The following MARCHF1 variants were observed in gnomAD, a reference collection of about 807,000 sequenced individuals.
MARCHF1 encodes membrane associated ring-CH-type finger 1.
MARCHF1 carries 40 observed loss-of-function variants against 54.2 expected under a neutral mutation model. The observed-to-expected ratio is 0.74, with a 90% CI of 0.57 to 0.96. The LOEUF (loss-of-function observed/expected upper bound fraction) is 0.96, where lower values mean the gene tolerates loss of function less well. MARCHF1 is among the 40% of genes least tolerant of loss of function. MARCHF1 has a pLI of 0.00. For missense variants in MARCHF1, 586 were observed against 656.5 expected, an observed-to-expected ratio of 0.89 and a Z score of 1.17; for synonymous variants, 236 against 236.3, an observed-to-expected ratio of 1.00 and a Z score of 0.01.
chr4:164,304,691 A>G (rs1734653496), intron 1 of MARCHF1, among the ~76,000 whole-genome samples: 1 of 152,170 alleles, frequency 6.6e-6, no homozygotes, highest in Non-Finnish European at 1.5e-5. Flanking sequence ...AACACCTTTG[A>G]TCCTTAACCT....
intron 3 of MARCHF1, among the ~76,000 whole-genome samples, chr4:163,886,203 C>T (rs1005746365): frequency 6.7e-6 from 1 of 148,720 alleles, no homozygotes; most frequent in Non-Finnish European, 1.5e-5. Context: ...AGATCTATCT[C>T]TCAATATATA....
chr4:164,278,849 T>C (rs1227606245), intron 1 of MARCHF1, among the ~76,000 whole-genome samples: 1 of 152,174 alleles, frequency 6.6e-6, no homozygotes, highest in East Asian at 1.9e-4. Flanking sequence ...CTGATTATTG[T>C]ATTTTATTTT....
chr4:163,834,589 C>T (rs866621712), intron 4 of MARCHF1, among the ~76,000 whole-genome samples: 305 of 145,814 alleles, frequency 2.1e-3, no homozygotes, highest in African/African-American at 7.2e-3. Context: ...TCTCCCAATG[C>T]TATCCCTCCC....
At chr4:163,827,824 A>G (rs915956803) in intron 4 of MARCHF1, among the ~76,000 whole-genome samples, 5 of 152,176 alleles carry the variant, frequency 3.3e-5, no homozygotes, top group Admixed American at 6.6e-5. Context: ...CATGCTGCCA[A>G]TGAAAACAAG....
chr4:163,859,273 T>C lies in MARCHF1; in HGVS notation c.-38-5104A>G, dbSNP rs1450162040. ...ATTCAGATAAGCTACCCTCACCTTG[T>C]AAGGTGGCATGATGGTGAATGAAGA... On this transcript the variant is annotated intron_variant, in intron 3 of 9. Coordinates refer to ENST00000514618, the MANE Select transcript of MARCHF1 (RefSeq NM_001394959.1). Among the ~76,000 whole-genome samples the C allele has an allele frequency of 2.6e-5, 4 of 152,022 alleles. No individual in the cohort carries two copies. In the East Asian group the frequency reaches 7.7e-4, roughly 29 times the overall value.
chr4:163,622,632 T>A (rs957254218), intron 5 of MARCHF1, among the ~76,000 whole-genome samples: 3 of 152,138 alleles, frequency 2.0e-5, no homozygotes, highest in African/African-American at 7.2e-5. Context: ...CACCGTGGGC[T>A]GATTAAAATA....
chr4:164,337,811 C>T (rs7671481), intron 1 of MARCHF1, among the ~76,000 whole-genome samples: 82,302 of 151,884 alleles, frequency 0.54, 22,882 homozygotes, highest in East Asian at 0.65. Context: ...CTCAAGCATG[C>T]CAATGCATCA....
At chr4:163,719,829 C>T (rs1745386420) in intron 4 of MARCHF1, among the ~76,000 whole-genome samples, 1 of 152,156 alleles carries the variant, frequency 6.6e-6, no homozygotes, top group Non-Finnish European at 1.5e-5. Context: ...TAAATGTCTT[C>T]TTTTGAGAAG....
intron 4 of MARCHF1, among the ~76,000 whole-genome samples, chr4:163,764,625 G>A (rs1419820365): frequency 6.6e-6 from 1 of 151,994 alleles, no homozygotes; most frequent in Non-Finnish European, 1.5e-5. Flanking sequence ...AATATTATGT[G>A]GCTTCAAGGT....
intron 1 of MARCHF1, among the ~76,000 whole-genome samples, chr4:164,225,963 T>C (rs1732241609): frequency 6.6e-6 from 1 of 152,222 alleles, no homozygotes. Flanking sequence ...AAGTGACTGA[T>C]GGCAATATTA....
In MARCHF1 at chr4:163,542,140, C is replaced by A. The variant is rs550535778; in HGVS notation, c.1339+3456G>T. On this transcript the variant is annotated intron_variant, in intron 9 of 9. Coordinates refer to ENST00000514618, the MANE Select transcript of MARCHF1 (RefSeq NM_001394959.1). ...TTTCAGTTTCCTTTAAGAAACGGAC[C>A]CTTGATTGTCATGAAGAGTCCACTG... Among the ~76,000 whole-genome samples the A allele has an allele frequency of 2.6e-5, 4 of 152,258 alleles. No individual in the cohort carries two copies. In the South Asian group the frequency reaches 8.3e-4, roughly 32 times the overall value.
chr4:163,725,643 A>G (rs536015746), intron 4 of MARCHF1, among the ~76,000 whole-genome samples: 3 of 152,328 alleles, frequency 2.0e-5, no homozygotes, highest in South Asian at 2.1e-4. Context: ...AGTTTTTCAT[A>G]GTCTATGGTT....
chr4:164,295,350 T>C (rs962240131), intron 1 of MARCHF1, among the ~76,000 whole-genome samples: 11 of 152,090 alleles, frequency 7.2e-5, no homozygotes, highest in Admixed American at 6.6e-4. Flanking sequence ...GCATCTGCTG[T>C]TTTTCAAGGG....
intron 7 of MARCHF1, among the ~76,000 whole-genome samples, chr4:163,590,994 T>C (rs1445362597): frequency 2.0e-5 from 3 of 151,820 alleles, no homozygotes; most frequent in Non-Finnish European, 4.4e-5. Flanking sequence ...ATAGTGGTGA[T>C]AGACTATTAG....
At chr4:163,809,023 C>T (rs772334909) in intron 4 of MARCHF1, among the ~76,000 whole-genome samples, 3 of 152,120 alleles carry the variant, frequency 2.0e-5, no homozygotes, top group African/African-American at 7.2e-5. Flanking sequence ...ACAGTAGGTC[C>T]TCTCTTCCTC....
chr4:163,799,384 G>C (rs1748014486), intron 4 of MARCHF1, among the ~76,000 whole-genome samples: 1 of 152,068 alleles, frequency 6.6e-6, no homozygotes, highest in East Asian at 1.9e-4. Context: ...CTTATAGCAA[G>C]CTTGCTAAAA....
chr4:164,350,914 C>T (rs907943566), intron 1 of MARCHF1, among the ~76,000 whole-genome samples: 3 of 151,946 alleles, frequency 2.0e-5, no homozygotes, highest in Non-Finnish European at 2.9e-5. Context: ...GTGCACCGGG[C>T]GCGAGCCGAA....
intron 3 of MARCHF1, among the ~76,000 whole-genome samples, chr4:163,868,406 T>C (rs1037713434): frequency 6.6e-6 from 1 of 151,906 alleles, no homozygotes; most frequent in South Asian, 2.1e-4. Context: ...TCTCTTTAAA[T>C]ACAAACAAAA....
At chr4:164,105,397 G>A (rs1196271322) in intron 2 of MARCHF1, among the ~76,000 whole-genome samples, 1 of 150,906 alleles carries the variant, frequency 6.6e-6, no homozygotes, top group African/African-American at 2.4e-5. Flanking sequence ...AAACAGCATG[G>A]TACTGGTACC....
Sources: allele counts gnomAD v4.1 joint callset (sites outside exome capture counted in the v4.1 genomes callset), GRCh38; gene constraint gnomAD v4.1.1; transcripts MANE v1.5; gene names NCBI Gene and HGNC (gene_info 2026-07-23, HGNC 2026-07-21).